RAB31: variants seen among roughly 807,000 people sequenced by gnomAD.
RAB31 encodes the protein ras-related protein Rab-31.
In RAB31, 21 loss-of-function variants were observed where a neutral mutation model predicts 25.6. That is an observed-to-expected ratio of 0.82 (90% CI 0.58 to 1.18). The LOEUF is 1.18. RAB31 is among the 50% of genes most tolerant of loss of function. RAB31 has a pLI of 0.00. For missense variants in RAB31, 196 were observed against 250.1 expected (o/e 0.78, Z 1.46); for synonymous variants, 87 against 84.0 (o/e 1.04, Z -0.20).
intron 6 of RAB31, among the ~76,000 whole-genome samples, chr18:9,857,568 C>T (rs2068822809): frequency 6.6e-6 from 1 of 151,308 alleles, no homozygotes; most frequent in South Asian, 2.1e-4. Context: ...AAGACTTTGT[C>T]TTTAGAACCA....
At chr18:9,715,528 CTTTTTTTT>C (rs1161797158) in intron 1 of RAB31, among the ~76,000 whole-genome samples, 34 of 128,194 alleles carry the variant, frequency 2.7e-4, no homozygotes, top group African/African-American at 9.7e-4. Flanking sequence ...CTCTCTCTCT[CTTTTTTTT>C]TTTTTTTTTT....
chr18:9,785,503 C>T (rs185479493), intron 2 of RAB31, among the ~76,000 whole-genome samples: 1 of 152,300 alleles, frequency 6.6e-6, no homozygotes, highest in African/African-American at 2.4e-5. Context: ...CAGTTCCTGG[C>T]TCCTAACTCC....
intron 3 of RAB31, 95 bp downstream of exon 3, chr18:9,792,330 A>C (rs2068464968): frequency 1.3e-6 from 2 of 1,488,632 alleles, no homozygotes; most frequent in Admixed American, 4.3e-5. Flanking sequence ...TCTTGGTTGC[A>C]GGTGACAGAA....
At chr18:9,716,003 A>G (rs1325552423) in intron 1 of RAB31, among the ~76,000 whole-genome samples, 3 of 152,210 alleles carry the variant, frequency 2.0e-5, no homozygotes, top group Non-Finnish European at 1.5e-5. Context: ...TTGAACATGA[A>G]CACAGGGTAT....
chr18:9,734,776 G>GTTTTGTTTT (rs2068142193), intron 1 of RAB31: 1 of 161,186 alleles, frequency 6.2e-6, no homozygotes, highest in South Asian at 1.5e-4. Context: ...CTTTTTGTTT[G>GTTTTGTTTT]GTTTTGTTTT....
At chr18:9,791,796 G>A (rs1395921854) in intron 2 of RAB31, among the ~76,000 whole-genome samples, 2 of 152,106 alleles carry the variant, frequency 1.3e-5, no homozygotes, top group Non-Finnish European at 2.9e-5. Context: ...AGTAGAGACA[G>A]GGTTTCACCA....
chr18:9,713,462 G>A lies in RAB31; in HGVS notation c.39+5018G>A, dbSNP rs1008711950. On this transcript the variant is annotated intron_variant, in intron 1 of 6. Transcript: ENST00000578921. The stretch of plus-strand genomic sequence containing the variant: ...CACGAGAATAAATATGATATAGTGG[G>A]CTATCTTCCCAGCAGTGCCTGGCAT... Among the ~76,000 whole-genome samples, 8 of 152,196 alleles carry A rather than the reference G, an allele frequency of 5.3e-5. No homozygotes were observed. In the East Asian group the frequency reaches 1.2e-3, roughly 22 times the overall value.
chr18:9,714,315 A>G (rs922041513), intron 1 of RAB31, among the ~76,000 whole-genome samples: 98 of 152,342 alleles, frequency 6.4e-4, no homozygotes, highest in Non-Finnish European at 1.3e-4. Flanking sequence ...ATCAGGCATT[A>G]GTTAGATTCT....
At chr18:9,740,110 G>A (rs747388777) in intron 1 of RAB31, among the ~76,000 whole-genome samples, 6 of 152,206 alleles carry the variant, frequency 3.9e-5, no homozygotes, top group Non-Finnish European at 7.3e-5. Flanking sequence ...CTCACTTGCT[G>A]TTTGTGTGGC....
At chr18:9,737,305 G>A (rs977475107) in intron 1 of RAB31, among the ~76,000 whole-genome samples, 3 of 151,890 alleles carry the variant, frequency 2.0e-5, no homozygotes, top group African/African-American at 7.3e-5. Flanking sequence ...CAGGTGACAC[G>A]TGCACACACA....
chr18:9,818,012 C>G (rs184044024), intron 5 of RAB31, among the ~76,000 whole-genome samples: 1 of 152,210 alleles, frequency 6.6e-6, no homozygotes, highest in Non-Finnish European at 1.5e-5. Flanking sequence ...TCAGTGAGGT[C>G]GGAATGTGGC....
rs71169903 is a variant in RAB31, at chr18:9,741,376, CAAAAAAAAAAAAAA to C, written c.39+32946_39+32959del. On this transcript the variant is annotated intron_variant, in intron 1 of 6. Coordinates refer to ENST00000578921, the MANE Select transcript of RAB31 (RefSeq NM_006868.4). ...TGGGCAACAGAGTAAAACTCCGTCT[CAAAAAAAAAAAAAA>C]AAAAAAAAAAAAAGGCAGCTGCTCT... 9.6e-5 allele frequency among the ~76,000 whole-genome samples: 3 copies of C among 31,230 alleles called. 1 individual carries two copies. Among genetic ancestry groups the C allele is most frequent in the East Asian group, 2.1e-3 (2 of 940 alleles). 20.5% of individuals were successfully genotyped at this position (31,230 alleles called of 152,430 possible).
intron 1 of RAB31, among the ~76,000 whole-genome samples, chr18:9,752,102 C>G (rs1463356839): frequency 6.6e-6 from 1 of 152,216 alleles, no homozygotes; most frequent in African/African-American, 2.4e-5. Context: ...AGCCTCTACT[C>G]ATACAGCTTT....
At chr18:9,718,969 A>G (rs548381061) in intron 1 of RAB31, among the ~76,000 whole-genome samples, 1 of 151,974 alleles carries the variant, frequency 6.6e-6, no homozygotes, top group Non-Finnish European at 1.5e-5. Flanking sequence ...AAAGTGATGC[A>G]TGCTAATTAC....
Position 9,859,282 on chromosome 18 carries a change from A to C in RAB31, c.545A>C (p.Lys182Thr), listed in dbSNP as rs770374194. ...GAAAATGGAAACAATGGAACAATCA[A>C]AGTTGAGAAGCCAACCATGCAAGCC... ...PHENGNNGTI[K>T]VEKPTMQASR... Residue 182 changes from lysine to threonine, a missense_variant, in exon 7 of 7, where the codon AAA (lysine) becomes ACA (threonine). Physicochemically the swap from Lys to Thr is moderately conservative, Grantham distance 78. Transcript: ENST00000578921. 4 of 1,613,778 alleles carry C rather than the reference A, an allele frequency of 2.5e-6. No homozygotes were observed. Among genetic ancestry groups the C allele is most frequent in the Non-Finnish European group, 2.5e-6 (3 of 1,179,834 alleles).
chr18:9,708,488 C>T lies in RAB31; in HGVS notation c.39+44C>T. On this transcript the variant is annotated intron_variant, in intron 1 of 6. Transcript: ENST00000578921. This position sits in a 1 kb window ranked among gnomAD's most constrained non-coding sequence, Gnocchi z 6.4. ...CCGCCGGCGGACCCCGGCCCGCGCTCTCGCGCCCCTTCGCTCCCCTATTCC... is the reference window on the plus strand; with the variant it reads ...CCGCCGGCGGACCCCGGCCCGCGCTTTCGCGCCCCTTCGCTCCCCTATTCC... 1.5e-5 allele frequency: 22 copies of T among 1,515,512 alleles called. No homozygotes were observed. The highest frequency in any genetic ancestry group is 2.0e-5 in the Non-Finnish European group (22 of 1,126,500). 93.9% of individuals were successfully genotyped at this position (1,515,512 alleles called of 1,614,324 possible). A position where few individuals can be genotyped will look rare whatever the true frequency, so the allele number is the denominator to read the frequency against.
chr18:9,721,798 C>T (rs548155332), intron 1 of RAB31, among the ~76,000 whole-genome samples: 3 of 151,966 alleles, frequency 2.0e-5, no homozygotes, highest in East Asian at 3.9e-4. Context: ...GGGTGACAGG[C>T]GGTGCACAAA....
chr18:9,817,289 A>C (rs555326631), intron 5 of RAB31, among the ~76,000 whole-genome samples: 1 of 152,330 alleles, frequency 6.6e-6, no homozygotes, highest in South Asian at 2.1e-4. Context: ...CTGGTGGACT[A>C]GAATTTAAGC....
intron 3 of RAB31, among the ~76,000 whole-genome samples, chr18:9,797,138 T>C (rs1244270079): frequency 2.0e-5 from 3 of 152,198 alleles, no homozygotes; most frequent in African/African-American, 7.2e-5. Context: ...TCAAATGAGG[T>C]GACCCATTCA....
Sources: allele counts gnomAD v4.1 joint callset (sites outside exome capture counted in the v4.1 genomes callset), GRCh38; gene constraint gnomAD v4.1.1; non-coding constraint Gnocchi (gnomAD v3.1); transcripts MANE v1.5; gene names NCBI Gene and HGNC (gene_info 2026-07-23, HGNC 2026-07-21).